Variants in CAPG observed in about 807,000 individuals in gnomAD.
CAPG encodes the protein macrophage-capping protein.
In CAPG, 32 loss-of-function variants were observed where a neutral mutation model predicts 44.6. The ratio of observed to expected loss-of-function variants is 0.72; its 90% CI spans 0.54 to 0.96. The LOEUF (loss-of-function observed/expected upper bound fraction) is 0.96, where lower values mean the gene tolerates loss of function less well. Among genes scored for constraint, CAPG ranks in the 50% least tolerant of loss-of-function variants. The pLI is 0.00. For missense variants in CAPG, 412 were observed against 438.3 expected (o/e 0.94, Z 0.54); for synonymous variants, 175 against 179.6 (o/e 0.97, Z 0.20).
chr2:85,401,358 A>G (rs1314670664), intron 4 of CAPG, 29 bp from the exon 5 acceptor site: 1 of 1,608,542 alleles, frequency 6.2e-7, no homozygotes, highest in South Asian at 1.1e-5. Flanking sequence ...ATCTGAGTGG[A>G]CTGACAGGAG....
At chr2:85,409,710 A>C (rs1041933124) in intron 1 of CAPG, 3 of 151,968 alleles carry the variant, frequency 2.0e-5, no homozygotes, top group African/African-American at 7.3e-5. Context: ...CCTGATACCA[A>C]ATAGGTCTCC....
rs1325973863 is a variant in CAPG at position 85,401,562 on chromosome 2, G to A, written c.318C>T (p.Phe106=). Residue 106 remains phenylalanine, a synonymous_variant, in exon 4 of 10, where the codon TTC becomes TTT. Transcript: ENST00000263867. The part of the protein sequence containing the change: ...REVQGNESDL[F]MSYFPRGLKY... ...TGAGGCCCCGTGGGAAGTAGCTCAT[G>A]AAGAGGTCAGACTCATTGCCCTGCA... is the stretch of plus-strand genomic sequence containing the variant. 1.2e-6 allele frequency: 2 copies of A among 1,614,198 alleles called. No individual in the cohort carries two copies. The highest frequency in any genetic ancestry group is 1.7e-6 in the Non-Finnish European group (2 of 1,180,018).
At chr2:85,393,310 A>G (rs1436027751), downstream of CAPG, among the ~76,000 whole-genome samples, 1 of 152,186 alleles carries the variant, frequency 6.6e-6, no homozygotes. Flanking sequence ...TGCTGGGATT[A>G]TAGGCATGAG....
At chr2:85,403,002 C>A (rs1686976385) in intron 1 of CAPG, among the ~76,000 whole-genome samples, 1 of 152,088 alleles carries the variant, frequency 6.6e-6, no homozygotes, top group African/African-American at 2.4e-5. Flanking sequence ...AACTCCTGAC[C>A]TCAGGTGATT....
At chr2:85,396,450 G>A (rs1686603753) in intron 8 of CAPG, among the ~76,000 whole-genome samples, 1 of 152,134 alleles carries the variant, frequency 6.6e-6, no homozygotes, top group African/African-American at 2.4e-5. Flanking sequence ...ACGATGCCGT[G>A]ATGTGGTTGG....
upstream of CAPG, chr2:85,419,325 C>T (rs1687662140): frequency 6.6e-6 from 1 of 152,338 alleles, no homozygotes; most frequent in Admixed American, 6.5e-5. Flanking sequence ...TCTCCTCACA[C>T]CTCAGGGTCA....
chr2:85,402,899 T>C (rs1466945236), intron 1 of CAPG, among the ~76,000 whole-genome samples: 1 of 151,744 alleles, frequency 6.6e-6, no homozygotes, highest in African/African-American at 2.4e-5. Context: ...GCTTCCCAAG[T>C]AGCTGGGATT....
intron 1 of CAPG, among the ~76,000 whole-genome samples, chr2:85,405,135 T>C (rs147234147): frequency 1.8e-4 from 27 of 152,250 alleles, no homozygotes; most frequent in African/African-American, 6.3e-4. Flanking sequence ...ATCAATTCTG[T>C]ATGCCCAGCT....
intron 2 of CAPG, 58 bp downstream of exon 2, chr2:85,402,065 G>A: frequency 3.7e-6 from 6 of 1,608,168 alleles, no homozygotes; most frequent in Non-Finnish European, 4.3e-6. Context: ...GTGGGGAGGG[G>A]CAGCCCTTGG....
chr2:85,393,920 T>C (rs930227281), downstream of CAPG, among the ~76,000 whole-genome samples: 1 of 152,178 alleles, frequency 6.6e-6, no homozygotes, highest in Non-Finnish European at 1.5e-5. Context: ...TGCCAATTGA[T>C]CAGAATTTTT....
chr2:85,398,338 C>G, intron 7 of CAPG, 186 bp from the exon 8 acceptor site: 1 of 656,136 alleles, frequency 1.5e-6, no homozygotes, highest in Non-Finnish European at 2.6e-6. Flanking sequence ...CACTCCCTCT[C>G]ATCACCCCAA....
At chr2:85,394,623 C>T (rs906656715), downstream of CAPG, 24 of 521,740 alleles carry the variant, frequency 4.6e-5, no homozygotes, top group African/African-American at 4.1e-4. Flanking sequence ...TGGGACTCCT[C>T]TGTCATGCAA....
At chr2:85,416,753 A>T (rs1247632948) in intron 1 of CAPG, among the ~76,000 whole-genome samples, 1 of 152,150 alleles carries the variant, frequency 6.6e-6, no homozygotes, top group Non-Finnish European at 1.5e-5. Context: ...ACCTCAGGTG[A>T]TCTGCCTGCC....
At chr2:85,393,046 T>C (rs1396157289), downstream of CAPG, among the ~76,000 whole-genome samples, 2 of 152,108 alleles carry the variant, frequency 1.3e-5, no homozygotes, top group Non-Finnish European at 2.9e-5. Context: ...AAATCTTTTT[T>C]TTTTTTTGAA....
chr2:85,417,695 G>A (rs1308997162), intron 1 of CAPG, among the ~76,000 whole-genome samples: 1 of 151,882 alleles, frequency 6.6e-6, no homozygotes, highest in Non-Finnish European at 1.5e-5. Flanking sequence ...TGTTGGCCAG[G>A]CTGGTCTTGA....
chr2:85,403,514 C>A (rs1425962548), intron 1 of CAPG, among the ~76,000 whole-genome samples: 1 of 152,184 alleles, frequency 6.6e-6, no homozygotes, highest in Non-Finnish European at 1.5e-5. Context: ...CAACATTCTC[C>A]TGATAACAAA....
upstream of CAPG, chr2:85,413,827 T>C (rs1404300782): frequency 1.3e-5 from 2 of 152,252 alleles, no homozygotes; most frequent in African/African-American, 2.4e-5. Flanking sequence ...TCCCGCCTTT[T>C]CTTACAGGAA....
At chr2:85,404,835 C>CTG (rs1314165034) in intron 1 of CAPG, among the ~76,000 whole-genome samples, 4 of 151,802 alleles carry the variant, frequency 2.6e-5, no homozygotes, top group South Asian at 2.1e-4. Context: ...ACTCAGGAGG[C>CTG]TGAGGAGTGA....
At chr2:85,392,197 T>C (rs1686405725), downstream of CAPG, among the ~76,000 whole-genome samples, 1 of 152,186 alleles carries the variant, frequency 6.6e-6, no homozygotes, top group African/African-American at 2.4e-5. Context: ...GAGACCATCC[T>C]GGCTAACACA....
Sources: allele counts gnomAD v4.1 joint callset (sites outside exome capture counted in the v4.1 genomes callset), GRCh38; gene constraint gnomAD v4.1.1; transcripts MANE v1.5; gene names NCBI Gene and HGNC (gene_info 2026-07-23, HGNC 2026-07-21).